CDH18: variants seen among roughly 807,000 people sequenced by gnomAD.
CDH18 encodes the protein cadherin-18.
CDH18 carries 31 observed loss-of-function variants against 67.9 expected under a neutral mutation model. That is an observed-to-expected ratio of 0.46 (90% CI 0.34 to 0.62). The LOEUF (loss-of-function observed/expected upper bound fraction) is 0.62. Among genes scored for constraint, CDH18 ranks in the 20% least tolerant of loss-of-function variants. CDH18 has a pLI of 0.01. For synonymous variants in CDH18, 362 were observed against 347.2 expected (o/e 1.04, Z -0.48); for missense variants, 890 against 975.5 (o/e 0.91, Z 1.17).
intron 12 of CDH18, among the ~76,000 whole-genome samples, chr5:19,475,559 C>T (rs1738311122): frequency 6.6e-6 from 1 of 151,918 alleles, no homozygotes; most frequent in South Asian, 2.1e-4. Context: ...CACACATACA[C>T]ACACACATAC....
rs1481775611 is a variant in CDH18 at position 20,530,816 on chromosome 5, C to T, written c.-580+44646G>A. ...AAAACCTAGGCAATACCATTCAGGA[C>T]ACAGGCATGGGCAAAGATTTTATGA... On this transcript the variant is annotated intron_variant, in intron 1 of 14. Coordinates refer to the CDH18 transcript ENST00000507958. Among the ~76,000 whole-genome samples the T allele has an allele frequency of 2.0e-5, 3 of 151,996 alleles. No homozygotes were observed. In the East Asian group the frequency reaches 5.8e-4, roughly 29 times the overall value.
chr5:20,375,942 C>A (rs1176601350), intron 1 of CDH18, among the ~76,000 whole-genome samples: 2 of 151,824 alleles, frequency 1.3e-5, no homozygotes, highest in African/African-American at 4.8e-5. Context: ...GTAAATTTGA[C>A]ATTAATTTAT....
chr5:20,191,490 C>T (rs1389307536), intron 2 of CDH18, among the ~76,000 whole-genome samples: 1 of 151,808 alleles, frequency 6.6e-6, no homozygotes, highest in Non-Finnish European at 1.5e-5. Flanking sequence ...ACCTATTGAA[C>T]TATCCTCTAA....
chr5:19,801,202 A>T (rs1777429299), intron 3 of CDH18, among the ~76,000 whole-genome samples: 1 of 152,214 alleles, frequency 6.6e-6, no homozygotes, highest in South Asian at 2.1e-4. Context: ...GGTTTCCTTT[A>T]ACAGTATCTT....
chr5:20,503,189 TAA>T (rs5866432), intron 1 of CDH18, among the ~76,000 whole-genome samples: 3 of 149,834 alleles, frequency 2.0e-5, no homozygotes, highest in East Asian at 2.0e-4. Flanking sequence ...AACACAAATT[TAA>T]AAAAAAAACT....
At chr5:19,541,981 T>C (rs1425521231) in intron 9 of CDH18, among the ~76,000 whole-genome samples, 2 of 152,184 alleles carry the variant, frequency 1.3e-5, no homozygotes, top group East Asian at 1.9e-4. Context: ...TCTGGTTATT[T>C]TGAAGATGAA....
At chr5:19,740,381 T>C (rs543606978) in intron 4 of CDH18, among the ~76,000 whole-genome samples, 171 of 152,042 alleles carry the variant, frequency 1.1e-3, no homozygotes, top group Non-Finnish European at 2.0e-3. Context: ...ATTTAAAACA[T>C]TTAAAAAAAA....
chr5:20,490,784 C>A (rs1259341960), intron 1 of CDH18, among the ~76,000 whole-genome samples: 3 of 152,050 alleles, frequency 2.0e-5, no homozygotes, highest in Admixed American at 6.6e-5. Context: ...AATCATTCAA[C>A]CATTCTAACC....
chr5:19,524,760 T>G (rs1240048197), intron 9 of CDH18, among the ~76,000 whole-genome samples: 1 of 152,164 alleles, frequency 6.6e-6, no homozygotes, highest in Non-Finnish European at 1.5e-5. Context: ...GCTCTTTTTT[T>G]TCTGAGATGG....
intron 1 of CDH18, among the ~76,000 whole-genome samples, chr5:20,324,391 A>G (rs944082729): frequency 1.1e-4 from 17 of 152,230 alleles, no homozygotes; most frequent in African/African-American, 3.1e-4. Context: ...ATACAAAAAA[A>G]TTAGCCAGGC....
At chr5:20,520,555 T>C (rs1164072839) in intron 1 of CDH18, among the ~76,000 whole-genome samples, 2 of 152,242 alleles carry the variant, frequency 1.3e-5, no homozygotes, top group South Asian at 2.1e-4. Context: ...TATACAAGCA[T>C]GCTCTGAAAT....
intron 2 of CDH18, among the ~76,000 whole-genome samples, chr5:20,117,570 A>G (rs1469670063): frequency 1.3e-5 from 2 of 152,200 alleles, no homozygotes; most frequent in African/African-American, 4.8e-5. Flanking sequence ...TAGTTTTATA[A>G]TCACCTTTGG....
In CDH18 at chr5:20,022,326, C is replaced by A. The variant is rs572777746; in HGVS notation, c.-517-30312G>T. 3.3e-5 allele frequency among the ~76,000 whole-genome samples: 5 copies of A among 152,208 alleles called. No individual in the cohort carries two copies. The East Asian group carries it at 7.7e-4, about 23-fold the overall frequency. On this transcript the variant is annotated intron_variant, in intron 2 of 14. Coordinates refer to the CDH18 transcript ENST00000507958. ...TGGTAAGGTTTGGAACCTAATTTGCCAATGTAAGGATTATGAAATACATTG... is the reference window on the plus strand; with the variant it reads ...TGGTAAGGTTTGGAACCTAATTTGCAAATGTAAGGATTATGAAATACATTG...
chr5:20,016,823 T>C (rs1737920805), intron 2 of CDH18, among the ~76,000 whole-genome samples: 1 of 152,160 alleles, frequency 6.6e-6, no homozygotes, highest in Non-Finnish European at 1.5e-5. Context: ...GGTTTGTCAC[T>C]ATGGATCACG....
chr5:19,667,709 C>A (rs1300111683), intron 5 of CDH18, among the ~76,000 whole-genome samples: 1 of 151,638 alleles, frequency 6.6e-6, no homozygotes, highest in Non-Finnish European at 1.5e-5. Context: ...TCTTTCTACT[C>A]AAATATTCTG....
intron 3 of CDH18, among the ~76,000 whole-genome samples, chr5:19,795,285 C>T (rs779006825): frequency 3.3e-5 from 5 of 152,128 alleles, no homozygotes; most frequent in Non-Finnish European, 5.9e-5. Flanking sequence ...GGTCCAGAAG[C>T]ATGTTTGACT....
At position 19,647,527 on chromosome 5, in the gene CDH18, C is replaced by CAAAAAAAAA. The variant is rs3062888; in HGVS notation, c.644-34935_644-34927dup. On this transcript the variant is annotated intron_variant, in intron 5 of 12. Coordinates refer to ENST00000382275, the MANE Select transcript of CDH18 (RefSeq NM_004934.5). ...CCCAGGTGACAGAGCGAGACTCCATCAAAAAAAAAAAAAAAAAAAAAAAAA... is the reference window on the plus strand; with the variant it reads ...CCCAGGTGACAGAGCGAGACTCCATCAAAAAAAAAAAAAAAAAAAAAAAAAAAAAAAAAA... Among the ~76,000 whole-genome samples the CAAAAAAAAA allele has an allele frequency of 2.7e-3, 78 of 28,812 alleles. 12 individuals carry two copies. The highest frequency in any genetic ancestry group is 6.7e-3 in the African/African-American group (50 of 7,488). 18.9% of individuals were successfully genotyped at this position (28,812 alleles called of 152,430 possible).
At chr5:19,910,417 C>G (rs565363402) in intron 2 of CDH18, among the ~76,000 whole-genome samples, 1 of 151,994 alleles carries the variant, frequency 6.6e-6, no homozygotes, top group African/African-American at 2.4e-5. Flanking sequence ...TATTATGAAC[C>G]GATGTTGTGG....
intron 5 of CDH18, among the ~76,000 whole-genome samples, chr5:19,707,664 A>G (rs1323109326): frequency 6.6e-6 from 1 of 152,180 alleles, no homozygotes; most frequent in Non-Finnish European, 1.5e-5. Flanking sequence ...TAATGCCTGG[A>G]TGTAATCACT....
Sources: gnomAD v4.1 joint callset for allele counts (sites outside exome capture counted in the v4.1 genomes callset) on GRCh38, gnomAD v4.1.1 for gene constraint, MANE v1.5 for transcripts, NCBI Gene and HGNC (gene_info 2026-07-23, HGNC 2026-07-21) for gene names.